The following ERC2 variants were observed in gnomAD, a reference collection of about 807,000 sequenced individuals.
ERC2 encodes ERC protein 2.
ERC2 carries 42 observed loss-of-function variants against 114.8 expected under a neutral mutation model. The observed-to-expected ratio is 0.37, with a 90% CI of 0.29 to 0.47. The LOEUF (loss-of-function observed/expected upper bound fraction) is 0.47. Ranked by LOEUF, ERC2 falls within the 20% of genes least tolerant of loss-of-function variation. The probability of loss-of-function intolerance (pLI) is 0.99; values close to 1 mark genes in which losing one functional copy is unlikely to be tolerated. For synonymous variants in ERC2, 454 were observed against 425.5 expected, an observed-to-expected ratio of 1.07 and a Z score of -0.82; for missense variants, 939 against 1,150.7, an observed-to-expected ratio of 0.82 and a Z score of 2.66.
intron 6 of ERC2, among the ~76,000 whole-genome samples, chr3:56,116,562 G>A (rs1341318962): frequency 6.6e-6 from 1 of 152,152 alleles, no homozygotes; most frequent in Non-Finnish European, 1.5e-5. Flanking sequence ...TATTCATAAA[G>A]TCAGGCTCTT....
At chr3:55,559,210 C>G (rs1499887) in intron 17 of ERC2, among the ~76,000 whole-genome samples, 1 of 152,162 alleles carries the variant, frequency 6.6e-6, no homozygotes, top group African/African-American at 2.4e-5. Context: ...GACTCCTGAG[C>G]CTTCTGAAAG....
intron 10 of ERC2, among the ~76,000 whole-genome samples, chr3:55,995,307 T>C (rs1436473249): frequency 6.6e-6 from 1 of 151,724 alleles, no homozygotes; most frequent in East Asian, 1.9e-4. Flanking sequence ...TACTCCAGCC[T>C]GGCGACAGAG....
chr3:56,384,924 G>A (rs995072142), intron 2 of ERC2, among the ~76,000 whole-genome samples: 2 of 152,074 alleles, frequency 1.3e-5, no homozygotes, highest in African/African-American at 4.8e-5. Flanking sequence ...TCCAACAACA[G>A]TTGTTGAAAT....
chr3:56,464,970 C>T (rs2063478141), intron 1 of ERC2, among the ~76,000 whole-genome samples: 1 of 152,142 alleles, frequency 6.6e-6, no homozygotes, highest in Admixed American at 6.5e-5. Flanking sequence ...GTCAAAGACT[C>T]TTTAGGTAAA....
chr3:56,455,131 C>G (rs1003632306), intron 1 of ERC2, among the ~76,000 whole-genome samples: 1 of 151,698 alleles, frequency 6.6e-6, no homozygotes, highest in African/African-American at 2.4e-5. Flanking sequence ...GTGGTGATGG[C>G]TGTACAACAT....
chr3:55,725,679 G>A (rs957228722), intron 15 of ERC2, among the ~76,000 whole-genome samples: 3 of 152,178 alleles, frequency 2.0e-5, no homozygotes, highest in African/African-American at 7.2e-5. Flanking sequence ...ACTAAAATAT[G>A]TTTAAAACAG....
intron 7 of ERC2, among the ~76,000 whole-genome samples, chr3:56,057,655 G>A (rs990507139): frequency 3.3e-5 from 5 of 152,178 alleles, no homozygotes. Flanking sequence ...TGAAGATTAA[G>A]ATAATCATTC....
At chr3:56,154,137 T>A (rs1379681292) in intron 4 of ERC2, among the ~76,000 whole-genome samples, 2 of 152,176 alleles carry the variant, frequency 1.3e-5, no homozygotes, top group Admixed American at 1.3e-4. Context: ...GCTACCTGAG[T>A]AAGGCCCTGC....
At chr3:56,162,544 T>C (rs2082105525) in intron 4 of ERC2, among the ~76,000 whole-genome samples, 1 of 152,158 alleles carries the variant, frequency 6.6e-6, no homozygotes, top group Non-Finnish European at 1.5e-5. Context: ...TTGTTACTTA[T>C]TCAATTTTAG....
At chr3:55,627,481 G>T (rs7637995) in intron 17 of ERC2, among the ~76,000 whole-genome samples, 1 of 151,838 alleles carries the variant, frequency 6.6e-6, no homozygotes, top group African/African-American at 2.4e-5. Context: ...AGAAAAAAAA[G>T]AAAAAAGAAA....
intron 2 of ERC2, among the ~76,000 whole-genome samples, chr3:56,384,057 T>C (rs935563641): frequency 6.6e-6 from 1 of 152,168 alleles, no homozygotes; most frequent in African/African-American, 2.4e-5. Flanking sequence ...TTTATATATA[T>C]AAACACACAA....
At chr3:56,138,307 G>C (rs559656513) in intron 6 of ERC2, among the ~76,000 whole-genome samples, 1 of 152,078 alleles carries the variant, frequency 6.6e-6, no homozygotes, top group Non-Finnish European at 1.5e-5. Context: ...TGATCCACCC[G>C]CCTTGGCCTC....
Position 56,310,914 on chromosome 3 carries a change from T to C in ERC2, c.658-14479A>G, listed in dbSNP as rs189959367. Among the ~76,000 whole-genome samples, 12 of 152,070 alleles carry C rather than the reference T, an allele frequency of 7.9e-5. 1 individual carries two copies. Among genetic ancestry groups the C allele is most frequent in the Admixed American group, 5.9e-4 (9 of 15,280 alleles). On this transcript the variant is annotated intron_variant, in intron 2 of 17. Transcript: ENST00000288221. ...AAAAAAGTTTCAGTTTTACTACTGA[T>C]TTAAGATTATTTGGTAATGGAAAGT... is the stretch of plus-strand genomic sequence containing the variant.
intron 17 of ERC2, among the ~76,000 whole-genome samples, chr3:55,622,848 C>T (rs2059378881): frequency 6.6e-6 from 1 of 151,982 alleles, no homozygotes; most frequent in Admixed American, 6.6e-5. Context: ...GCTCCAGTTC[C>T]ATCTGCCATG....
chr3:55,693,557 T>G (rs951123246), intron 16 of ERC2, among the ~76,000 whole-genome samples: 7 of 151,942 alleles, frequency 4.6e-5, no homozygotes, highest in Admixed American at 4.6e-4. Flanking sequence ...AGTTTGCAAT[T>G]GGCACAGGGA....
intron 3 of ERC2, among the ~76,000 whole-genome samples, chr3:56,265,068 A>T (rs1039842445): frequency 6.6e-6 from 1 of 152,248 alleles, no homozygotes; most frequent in Non-Finnish European, 1.5e-5. Flanking sequence ...CTCTATTAAC[A>T]TTCCAAAGTC....
chr3:56,288,077 C>T (rs961234980), intron 3 of ERC2, among the ~76,000 whole-genome samples: 1 of 152,108 alleles, frequency 6.6e-6, no homozygotes, highest in East Asian at 1.9e-4. Flanking sequence ...TATACCAAGC[C>T]GCCTCCACAT....
intron 2 of ERC2, among the ~76,000 whole-genome samples, chr3:56,392,980 G>A (rs558145772): frequency 6.6e-6 from 1 of 152,182 alleles, no homozygotes; most frequent in Non-Finnish European, 1.5e-5. Flanking sequence ...GTCCTTTCTG[G>A]TGCCTCCCAC....
intron 7 of ERC2, among the ~76,000 whole-genome samples, chr3:56,029,557 C>G (rs2074251294): frequency 6.6e-6 from 1 of 151,982 alleles, no homozygotes; most frequent in African/African-American, 2.4e-5. Flanking sequence ...CTTTTGGATA[C>G]TTTGTGGTTT....
Sources: allele counts gnomAD v4.1 joint callset (sites outside exome capture counted in the v4.1 genomes callset), GRCh38; gene constraint gnomAD v4.1.1; transcripts MANE v1.5; gene names NCBI Gene and HGNC (gene_info 2026-07-23, HGNC 2026-07-21).